COL4A1: variants seen among roughly 807,000 people sequenced by gnomAD.
The protein encoded by COL4A1 is collagen alpha-1(IV) chain.
COL4A1 carries 40 observed loss-of-function variants against 216.6 expected under a neutral mutation model. That is an observed-to-expected ratio of 0.18 (90% CI 0.14 to 0.24). The LOEUF is 0.24. COL4A1 is among the 10% of genes least tolerant of loss of function. The pLI is 1.00. For missense variants in COL4A1, 1,628 were observed against 2,196.8 expected (o/e 0.74, Z 5.18); for synonymous variants, 839 against 810.7 (o/e 1.03, Z -0.59).
intron 49 of COL4A1, among the ~76,000 whole-genome samples, chr13:110,158,296 G>C (rs1293608726): frequency 1.3e-5 from 2 of 152,234 alleles, no homozygotes; most frequent in Admixed American, 6.5e-5. Context: ...AAAGATCTAA[G>C]ATTTTCCTAC....
chr13:110,242,781 C>T (rs573294194), intron 1 of COL4A1, 47 bp from the exon 2 acceptor site: 14 of 1,597,144 alleles, frequency 8.8e-6, no homozygotes, highest in East Asian at 4.5e-5. Context: ...ACTTTCAAAG[C>T]GAGGGCACTA....
intron 1 of COL4A1, among the ~76,000 whole-genome samples, chr13:110,297,745 G>A (rs1051202200): frequency 3.3e-5 from 5 of 152,194 alleles, no homozygotes; most frequent in Admixed American, 6.5e-5. Flanking sequence ...GCACATGTCC[G>A]AATGCAAAGT....
At chr13:110,176,370 C>T (rs1877885216) in intron 36 of COL4A1, 54 bp downstream of exon 36, 1 of 1,187,756 alleles carries the variant, frequency 8.4e-7, no homozygotes, top group Admixed American at 1.7e-5. Flanking sequence ...CAGACATGCC[C>T]TACCAGTATC....
chr13:110,222,727 C>T (rs578208946), intron 2 of COL4A1, among the ~76,000 whole-genome samples: 5 of 119,032 alleles, frequency 4.2e-5, no homozygotes, highest in South Asian at 2.9e-4. Context: ...GAGCCGAGAT[C>T]GTGCCACTGC....
Position 110,211,596 on chromosome 13 carries a change from A to G in COL4A1, c.468+51T>C. ...AATGTGCTTCTATGGCACTTGTTGT[A>G]AACAGATTCCCTGTAATGAATCCAA... is the stretch of plus-strand genomic sequence containing the variant. On this transcript the variant is annotated intron_variant, in intron 8 of 51. Transcript: ENST00000375820. The surrounding 1 kb of genome is among the most constrained non-coding windows in gnomAD (Gnocchi z 4.3). The G allele has an allele frequency of 6.3e-7, 1 of 1,577,728 alleles. No homozygotes were observed. Among genetic ancestry groups the G allele is most frequent in the Non-Finnish European group, 8.7e-7 (1 of 1,154,648 alleles).
At chr13:110,222,422 T>C (rs1031345129) in intron 2 of COL4A1, among the ~76,000 whole-genome samples, 10 of 152,278 alleles carry the variant, frequency 6.6e-5, no homozygotes, top group African/African-American at 2.4e-4. Context: ...GAGGGAGCTC[T>C]GGGACTATAC....
intron 2 of COL4A1, among the ~76,000 whole-genome samples, chr13:110,241,900 A>C (rs570291006): frequency 2.0e-5 from 3 of 152,320 alleles, no homozygotes; most frequent in Admixed American, 1.3e-4. Flanking sequence ...TATCCTACAG[A>C]GTATCCACTC....
chr13:110,261,023 C>G (rs1371202945), intron 1 of COL4A1, among the ~76,000 whole-genome samples: 4 of 55,610 alleles, frequency 7.2e-5, no homozygotes, highest in African/African-American at 2.2e-4. Context: ...GGTGACAGAG[C>G]GAGACTCCGT....
intron 26 of COL4A1, among the ~76,000 whole-genome samples, chr13:110,183,806 G>A (rs983901001): frequency 2.5e-4 from 38 of 152,186 alleles, no homozygotes; most frequent in Admixed American, 7.2e-4. Context: ...AGCAACACAG[G>A]CAAAACCATC....
At chr13:110,166,692 C>A (rs933522480) in intron 44 of COL4A1, among the ~76,000 whole-genome samples, 2 of 152,108 alleles carry the variant, frequency 1.3e-5, no homozygotes, top group African/African-American at 4.8e-5. Flanking sequence ...GTAAAATGAT[C>A]CAACTAGTGG....
At chr13:110,289,640 G>A (rs778879093) in intron 1 of COL4A1, among the ~76,000 whole-genome samples, 13 of 152,200 alleles carry the variant, frequency 8.5e-5, no homozygotes, top group African/African-American at 1.2e-4. Context: ...AGTTCAACAT[G>A]TTAGACGTTA....
intron 2 of COL4A1, among the ~76,000 whole-genome samples, chr13:110,218,843 C>A (rs1476255960): frequency 3.9e-5 from 6 of 152,176 alleles, no homozygotes; most frequent in African/African-American, 1.2e-4. Context: ...GAGCAGACTG[C>A]AAATCATTCA....
intron 1 of COL4A1, among the ~76,000 whole-genome samples, chr13:110,246,046 T>C: frequency 6.6e-6 from 1 of 151,984 alleles, no homozygotes; most frequent in East Asian, 1.9e-4. Context: ...TCCAAAAATA[T>C]CTAAATTAGG....
At chr13:110,203,695 TAG>T in intron 17 of COL4A1, 88 bp from the exon 18 acceptor site, 1 of 1,375,946 alleles carries the variant, frequency 7.3e-7, no homozygotes, top group Non-Finnish European at 1.0e-6. Flanking sequence ...TCTGGTAAAA[TAG>T]AGTGTGCCTA....
chr13:110,219,826 ATGTATGTATG>A (rs1880340459), intron 2 of COL4A1, among the ~76,000 whole-genome samples: 1 of 85,246 alleles, frequency 1.2e-5, no homozygotes, highest in African/African-American at 4.6e-5. Flanking sequence ...ATGTATATAT[ATGTATGTATG>A]TATATATGTG....
In COL4A1 at chr13:110,149,215, T is replaced by C. The variant is rs1169767699; in HGVS notation, c.*1148A>G. ...GTGGTCCGAATCTGCCCTCCTGCGG[T>C]CCATGCGATGCCCTGCTGAGGTCTG... On this transcript the variant is annotated 3_prime_UTR_variant, in exon 52 of 52. Transcript: ENST00000375820. The C allele has an allele frequency of 6.5e-6, 1 of 154,794 alleles. No individual in the cohort carries two copies. Among genetic ancestry groups the C allele is most frequent in the Admixed American group, 6.5e-5 (1 of 15,286 alleles). 9.6% of individuals were successfully genotyped at this position (154,794 alleles called of 1,614,324 possible).
In COL4A1 at chr13:110,169,135, ACT is replaced by A. The variant is rs536515986; in HGVS notation, c.3876+492_3876+493del. On this transcript the variant is annotated intron_variant, in intron 43 of 51. Transcript: ENST00000375820. The stretch of plus-strand genomic sequence containing the variant: ...AAGGCTTGTCTAAGTCACCACTTAG[ACT>A]CTGTATCTGGATCAGGTCAGTAAAG... Among the ~76,000 whole-genome samples the A allele has an allele frequency of 6.2e-4, 94 of 151,762 alleles. 3 individuals are homozygous for A. The South Asian group carries it at 0.019, about 31-fold the overall frequency.
intron 1 of COL4A1, among the ~76,000 whole-genome samples, chr13:110,287,663 G>C (rs966141783): frequency 1.3e-5 from 2 of 152,230 alleles, no homozygotes; most frequent in Non-Finnish European, 2.9e-5. Context: ...CGTACAGTGG[G>C]ATGGCCTTGC....
In COL4A1 at chr13:110,212,570, A is replaced by G. The variant is rs1252979078; in HGVS notation, c.324+4T>C. ...AAGAAGTAGAGCACGTTTTCTATAC[A>G]TACGGGAAGTCCTGGGTTTCCAGGG... On this transcript the variant is annotated splice_donor_region_variant and intron_variant, in intron 5 of 51. Coordinates refer to ENST00000375820, the MANE Select transcript of COL4A1 (RefSeq NM_001845.6). The G allele has an allele frequency of 1.2e-6, 2 of 1,614,242 alleles. No homozygotes were observed. Among genetic ancestry groups the G allele is most frequent in the Admixed American group, 1.7e-5 (1 of 60,028 alleles).
Sources: allele counts gnomAD v4.1 joint callset (sites outside exome capture counted in the v4.1 genomes callset), GRCh38; gene constraint gnomAD v4.1.1; non-coding constraint Gnocchi (gnomAD v3.1); transcripts MANE v1.5; gene names NCBI Gene and HGNC (gene_info 2026-07-23, HGNC 2026-07-21).